VWA8: variants seen among roughly 807,000 people sequenced by gnomAD.
VWA8 encodes von Willebrand factor A domain containing 8.
In VWA8, 221 loss-of-function variants were observed where a neutral mutation model predicts 241.5. The observed-to-expected ratio is 0.91, with a 90% CI of 0.82 to 1.02. The LOEUF (loss-of-function observed/expected upper bound fraction) is 1.02, where lower values mean the gene tolerates loss of function less well. VWA8 is among the 50% of genes least tolerant of loss of function. The pLI, the probability that VWA8 is intolerant of heterozygous loss-of-function variation, is 0.00. For synonymous variants in VWA8, 852 were observed against 827.1 expected (o/e 1.03, Z -0.52); for missense variants, 2,322 against 2,328.7 (o/e 1.00, Z 0.06).
chr13:41,816,001 G>A (rs1043681837), intron 16 of VWA8, among the ~76,000 whole-genome samples: 8 of 152,080 alleles, frequency 5.3e-5, no homozygotes, highest in African/African-American at 1.9e-4. Context: ...TAATTTGGCA[G>A]CTAGATTATC....
chr13:41,620,385 G>A (rs918191013), intron 37 of VWA8, among the ~76,000 whole-genome samples: 9 of 151,720 alleles, frequency 5.9e-5, no homozygotes, highest in African/African-American at 1.5e-4. Flanking sequence ...TCTTGCCAGC[G>A]GTCTATCTAT....
chr13:41,878,487 C>A (rs1057204974), intron 9 of VWA8, among the ~76,000 whole-genome samples: 1 of 151,598 alleles, frequency 6.6e-6, no homozygotes, highest in African/African-American at 2.4e-5. Context: ...TGGTTGTATA[C>A]ATCATTGTGT....
intron 1 of VWA8, among the ~76,000 whole-genome samples, chr13:41,956,379 T>A (rs534437276): frequency 1.3e-5 from 2 of 152,344 alleles, no homozygotes; most frequent in Admixed American, 1.3e-4. Context: ...AAACTAAATA[T>A]ATCAGCAATT....
rs146534876 is a variant in VWA8, at chr13:41,787,295, T to C, written c.2170+142A>G. The stretch of plus-strand genomic sequence containing the variant: ...CAAACTTAAAAAAATCAGATTCATT[T>C]CTTCAAACTAATATATAAAACAAAG... On this transcript the variant is annotated intron_variant, in intron 18 of 44. Transcript: ENST00000379310. 2,219 of 613,076 alleles carry C rather than the reference T, an allele frequency of 3.6e-3. 43 individuals carry two copies. In the African/African-American group the frequency reaches 0.039, roughly 11 times the overall value. 38.0% of individuals were successfully genotyped at this position (613,076 alleles called of 1,614,324 possible). A position where few individuals can be genotyped will look rare whatever the true frequency, so the allele number is the denominator to read the frequency against.
Position 41,961,031 on chromosome 13 carries a change from G to T in VWA8, c.-16C>A. 1 of 1,358,196 alleles carries T rather than the reference G, an allele frequency of 7.4e-7. No individual in the cohort carries two copies. Among genetic ancestry groups the T allele is most frequent in the Non-Finnish European group, 9.4e-7 (1 of 1,062,138 alleles). The allele number at this position is 1,358,196 out of a possible 1,614,324, so 84.1% of individuals were successfully genotyped here. On this transcript the variant is annotated 5_prime_UTR_variant, in exon 1 of 45. Transcript: ENST00000379310. ...GGGATTGCATGGCGCCGGGGGGGCT[G>T]TCGGGGACGGCGAGGGGGCTCGGGG...
rs2045176240 is a variant in VWA8, at chr13:41,691,376, C to G, written c.3810G>C (p.Lys1270Asn). The G allele has an allele frequency of 6.2e-7, 1 of 1,612,810 alleles. No homozygotes were observed. Among genetic ancestry groups the G allele is most frequent in the Non-Finnish European group, 8.5e-7 (1 of 1,179,076 alleles). ...TGTCCTCTGCTACAAGGAAAACTGT[C>G]TTGAGGTTGATGGGAAGTGAGATGG... ...THTISLPINL[K>N]TVFLVAEDKW... Residue 1270 changes from lysine to asparagine, a missense_variant, in exon 32 of 45, where the codon AAG (lysine) becomes AAC (asparagine). Coordinates refer to ENST00000379310, the MANE Select transcript of VWA8 (RefSeq NM_015058.2).
At chr13:41,792,180 GTTAA>G (rs1299777124) in intron 17 of VWA8, among the ~76,000 whole-genome samples, 1 of 151,824 alleles carries the variant, frequency 6.6e-6, no homozygotes, top group Non-Finnish European at 1.5e-5. Flanking sequence ...CCCATTTGGA[GTTAA>G]TTCTTTTTCC....
chr13:41,697,349 A>T (rs944484441), intron 29 of VWA8, among the ~76,000 whole-genome samples: 1 of 152,154 alleles, frequency 6.6e-6, no homozygotes, highest in Non-Finnish European at 1.5e-5. Flanking sequence ...GAAATCCTTT[A>T]ATCATGCTAG....
chr13:41,587,745 A>G lies in VWA8; in HGVS notation c.5113-75T>C, dbSNP rs190878869. Reference sequence around the variant, plus strand: ...CTGGTGGCTGTCTTGGGGATCTCACAGAAGCTCCAGCGTGCCAGCCCCGAG... The same window carrying G: ...CTGGTGGCTGTCTTGGGGATCTCACGGAAGCTCCAGCGTGCCAGCCCCGAG... On this transcript the variant is annotated intron_variant, in intron 41 of 44. Coordinates refer to ENST00000379310, the MANE Select transcript of VWA8 (RefSeq NM_015058.2). The G allele has an allele frequency of 1.8e-5, 29 of 1,570,424 alleles. No homozygotes were observed. The East Asian group carries it at 6.6e-4, about 35-fold the overall frequency.
chr13:41,666,918 A>G (rs914918474), intron 37 of VWA8, among the ~76,000 whole-genome samples: 2 of 152,182 alleles, frequency 1.3e-5, no homozygotes, highest in African/African-American at 2.4e-5. Context: ...CTGGGCCAAG[A>G]AAGATTCCCA....
intron 21 of VWA8, 59 bp from the exon 22 acceptor site, chr13:41,732,214 G>T: frequency 6.6e-7 from 1 of 1,508,172 alleles, no homozygotes; most frequent in Non-Finnish European, 9.1e-7. Flanking sequence ...GATTGATCAT[G>T]ATAAAAATAC....
intron 44 of VWA8, among the ~76,000 whole-genome samples, chr13:41,568,978 CTT>C (rs1007997651): frequency 2.6e-5 from 4 of 152,148 alleles, no homozygotes; most frequent in African/African-American, 4.8e-5. Context: ...AGTTACGATA[CTT>C]TTTTAAATAC....
chr13:41,589,397 A>G (rs1265408048), intron 41 of VWA8, among the ~76,000 whole-genome samples: 6 of 152,148 alleles, frequency 3.9e-5, no homozygotes, highest in Non-Finnish European at 8.8e-5. Context: ...TTTTCACTTG[A>G]AGGTTTCTCT....
intron 12 of VWA8, among the ~76,000 whole-genome samples, chr13:41,842,303 C>A (rs375498554): frequency 1.2e-4 from 18 of 152,310 alleles, no homozygotes; most frequent in South Asian, 4.1e-4. Context: ...AAAGGCCTCT[C>A]ATTTTACATA....
chr13:41,882,677 G>A (rs570753860), intron 9 of VWA8, among the ~76,000 whole-genome samples: 193 of 152,336 alleles, frequency 1.3e-3, no homozygotes, highest in African/African-American at 4.4e-3. Flanking sequence ...GGCGTCGCGC[G>A]CCTGCAATCG....
intron 43 of VWA8, among the ~76,000 whole-genome samples, chr13:41,571,284 T>C (rs1398469336): frequency 2.1e-5 from 3 of 145,192 alleles, no homozygotes; most frequent in African/African-American, 2.6e-5. Flanking sequence ...CCCTCTCCCG[T>C]CTCCCTCTCC....
chr13:41,830,608 C>T lies in VWA8; in HGVS notation c.1621G>A (p.Gly541Ser). The change falls in exon 14 of 45, where the codon GGT (glycine) becomes AGT (serine). Residue 541 changes from glycine (G) to serine (S), a missense_variant. Physicochemically the swap from Gly to Ser is moderately conservative, Grantham distance 56. Coordinates refer to ENST00000379310, the MANE Select transcript of VWA8 (RefSeq NM_015058.2). ...CTGTCTTCTCTCAGCAGCCTAGAAC[C>T]ATCATAGAGGCTTAGCTCTCGATCA... ...IHDRELSLYD[G>S]SRLLREDRYM... 6.2e-7 allele frequency: 1 copy of T among 1,613,776 alleles called. No individual in the cohort carries two copies. The highest frequency in any genetic ancestry group is 1.1e-5 in the South Asian group (1 of 91,070).
chr13:41,632,890 AAAT>A (rs2044734506), intron 37 of VWA8, among the ~76,000 whole-genome samples: 1 of 152,190 alleles, frequency 6.6e-6, no homozygotes, highest in Admixed American at 6.5e-5. Flanking sequence ...TAAGAATACA[AAAT>A]AATAACATAA....
intron 14 of VWA8, among the ~76,000 whole-genome samples, chr13:41,826,211 C>G (rs1190064770): frequency 6.6e-6 from 1 of 151,916 alleles, no homozygotes; most frequent in Non-Finnish European, 1.5e-5. Context: ...TGTTTAACAA[C>G]AAAATTAAGA....
Sources: allele counts gnomAD v4.1 joint callset (sites outside exome capture counted in the v4.1 genomes callset), GRCh38; gene constraint gnomAD v4.1.1; transcripts MANE v1.5; gene names NCBI Gene and HGNC (gene_info 2026-07-23, HGNC 2026-07-21).